Variants in PKN2 observed in about 807,000 individuals in gnomAD.
PKN2 encodes serine/threonine-protein kinase N2.
PKN2 carries 38 observed loss-of-function variants against 119.1 expected under a neutral mutation model. The observed-to-expected ratio is 0.32, with a 90% CI of 0.25 to 0.42. The LOEUF (loss-of-function observed/expected upper bound fraction) is 0.42, where lower values mean the gene tolerates loss of function less well. Ranked by LOEUF, PKN2 falls within the 10% of genes least tolerant of loss-of-function variation. PKN2 has a pLI of 1.00. For synonymous variants in PKN2, 390 were observed against 384.9 expected (o/e 1.01, Z -0.15); for missense variants, 850 against 1,165.1 (o/e 0.73, Z 3.94).
At chr1:88,732,210 G>A (rs1668168312) in intron 1 of PKN2, among the ~76,000 whole-genome samples, 2 of 151,912 alleles carry the variant, frequency 1.3e-5, no homozygotes, top group African/African-American at 4.8e-5. Context: ...TATTACTTTT[G>A]GTTCTTTTGG....
chr1:88,760,206 A>G lies in PKN2; in HGVS notation c.350-16A>G, dbSNP rs551658033. ...ATTCATTCTAATAAGTAATTTTAACAATATTTTATTTACAGATTGCCCAAG... is the reference window on the plus strand; with the variant it reads ...ATTCATTCTAATAAGTAATTTTAACGATATTTTATTTACAGATTGCCCAAG... On this transcript the variant is annotated splice_polypyrimidine_tract_variant and intron_variant, in intron 2 of 21. Transcript: ENST00000370521. 19 of 1,409,208 alleles carry G rather than the reference A, an allele frequency of 1.3e-5. No homozygotes were observed. The South Asian group carries it at 2.2e-4, about 17-fold the overall frequency. 87.3% of individuals were successfully genotyped at this position (1,409,208 alleles called of 1,614,324 possible).
At chr1:88,776,675 G>A (rs1670120280) in intron 6 of PKN2, among the ~76,000 whole-genome samples, 1 of 151,832 alleles carries the variant, frequency 6.6e-6, no homozygotes. Context: ...GGGAGGCGGA[G>A]GTTGCAGTGA....
chr1:88,792,405 A>AAAATAAAT lies in PKN2; in HGVS notation c.1281+6211_1281+6218dup, dbSNP rs560143650. Among the ~76,000 whole-genome samples, 844 of 152,100 alleles carry AAAATAAAT rather than the reference A, an allele frequency of 5.5e-3. 10 individuals are homozygous for AAAATAAAT. The highest frequency in any genetic ancestry group is 0.019 in the African/African-American group (803 of 41,426). ...GCAACAGAGTGAGACTCCGTCTCAA[A>AAAATAAAT]AAATAAATAAATAAATAAATAAATA... On this transcript the variant is annotated intron_variant, in intron 8 of 21. Transcript: ENST00000370521.
chr1:88,743,675 T>C (rs1157425796), intron 2 of PKN2, among the ~76,000 whole-genome samples: 2 of 152,184 alleles, frequency 1.3e-5, no homozygotes, highest in East Asian at 1.9e-4. Flanking sequence ...TCAAGGCTTA[T>C]TACAGAAACT....
At chr1:88,692,121 G>A (rs970443705) in intron 1 of PKN2, among the ~76,000 whole-genome samples, 1 of 151,580 alleles carries the variant, frequency 6.6e-6, no homozygotes, top group African/African-American at 2.4e-5. Flanking sequence ...TTTTGAACTT[G>A]ATTTTTCACC....
intron 19 of PKN2, among the ~76,000 whole-genome samples, chr1:88,832,346 A>C (rs1270200325): frequency 6.6e-6 from 1 of 152,000 alleles, no homozygotes; most frequent in African/African-American, 2.4e-5. Flanking sequence ...TCTATTATCT[A>C]AATATTCCCT....
chr1:88,696,887 A>G (rs1278081534), intron 1 of PKN2, among the ~76,000 whole-genome samples: 1 of 152,130 alleles, frequency 6.6e-6, no homozygotes, highest in African/African-American at 2.4e-5. Flanking sequence ...ACACTCTGGA[A>G]TATTAAAACT....
chr1:88,684,610 T>C lies in PKN2; in HGVS notation c.30T>C (p.Ile10=). MASNPERGE[I]LLTELQGDSR... is the part of the protein sequence containing the mutation. ...CGTCCAACCCCGAACGGGGGGAGAT[T>C]CTGCTCACGGAACTGCAGGTAAGGG... is the stretch of plus-strand genomic sequence containing the variant. The change falls in exon 1 of 22, where the codon ATT becomes ATC. Residue 10 remains isoleucine (I), a synonymous_variant. Coordinates refer to ENST00000370521, the MANE Select transcript of PKN2 (RefSeq NM_006256.4). 1 of 1,564,862 alleles carries C rather than the reference T, an allele frequency of 6.4e-7. No individual in the cohort carries two copies. Among genetic ancestry groups the C allele is most frequent in the Non-Finnish European group, 8.6e-7 (1 of 1,156,084 alleles).
At chr1:88,771,316 A>G (rs1284481100) in intron 4 of PKN2, 105 bp from the exon 5 acceptor site, 10 of 733,734 alleles carry the variant, frequency 1.4e-5, no homozygotes, top group Non-Finnish European at 2.0e-5. Context: ...TGTAAGGACT[A>G]AGTTATTGTA....
intron 8 of PKN2, among the ~76,000 whole-genome samples, chr1:88,801,911 T>C (rs1447138650): frequency 6.6e-6 from 1 of 152,250 alleles, no homozygotes; most frequent in Non-Finnish European, 1.5e-5. Flanking sequence ...TTAAACTGAT[T>C]ACTGATTTGC....
rs777452279 is a variant in PKN2, at chr1:88,828,571, C to T, written c.2510C>T (p.Ala837Val). 7.4e-6 allele frequency: 12 copies of T among 1,613,218 alleles called. No homozygotes were observed. The East Asian group carries it at 2.5e-4, about 33-fold the overall frequency. Residue 837 changes from alanine to valine, a missense_variant, in exon 19 of 22, where the codon GCT (alanine) becomes GTT (valine). Ala to Val is a moderately conservative substitution (Grantham distance 64). Coordinates refer to ENST00000370521, the MANE Select transcript of PKN2 (RefSeq NM_006256.4). ...EVLTETSYTR[A>V]VDWWGLGVLI... Reference sequence around the variant, plus strand: ...TTAACAGAAACTTCTTATACAAGGGCTGTAGATTGGTGGGGCCTTGGCGTG... The same window carrying T: ...TTAACAGAAACTTCTTATACAAGGGTTGTAGATTGGTGGGGCCTTGGCGTG...
At chr1:88,745,132 A>G (rs1209541233) in intron 2 of PKN2, among the ~76,000 whole-genome samples, 2 of 152,228 alleles carry the variant, frequency 1.3e-5, no homozygotes, top group Non-Finnish European at 2.9e-5. Flanking sequence ...GAAGGTCTAT[A>G]TATGACAGGC....
intron 8 of PKN2, among the ~76,000 whole-genome samples, chr1:88,788,999 A>G (rs186808356): frequency 6.6e-6 from 1 of 152,278 alleles, no homozygotes; most frequent in East Asian, 1.9e-4. Flanking sequence ...TAGTAGTAGA[A>G]GTTCTTTATC....
chr1:88,833,536 C>A lies in PKN2; in HGVS notation c.*88C>A. 1 of 962,894 alleles carries A rather than the reference C, an allele frequency of 1.0e-6. No homozygotes were observed. The highest frequency in any genetic ancestry group is 1.6e-6 in the Non-Finnish European group (1 of 623,768). The allele number at this position is 962,894 out of a possible 1,614,324, so 59.6% of individuals were successfully genotyped here. On this transcript the variant is annotated 3_prime_UTR_variant, in exon 22 of 22. Coordinates refer to ENST00000370521, the MANE Select transcript of PKN2 (RefSeq NM_006256.4). ...CATTTGCTCTCTGTGCCACCAATAGCTTCTGAGTTTTTTGTTGTTGTTGTT... is the reference window on the plus strand; with the variant it reads ...CATTTGCTCTCTGTGCCACCAATAGATTCTGAGTTTTTTGTTGTTGTTGTT...
At chr1:88,702,411 C>T (rs894100908) in intron 1 of PKN2, among the ~76,000 whole-genome samples, 2 of 152,156 alleles carry the variant, frequency 1.3e-5, no homozygotes, top group Admixed American at 6.5e-5. Context: ...CAGAAGACTG[C>T]TCCAAATTAT....
intron 15 of PKN2, among the ~76,000 whole-genome samples, chr1:88,808,939 C>T (rs1671671413): frequency 6.6e-6 from 1 of 152,088 alleles, no homozygotes; most frequent in African/African-American, 2.4e-5. Context: ...CCAGTTAACT[C>T]ATATATTTAA....
At chr1:88,752,555 G>GT (rs1669045378) in intron 2 of PKN2, among the ~76,000 whole-genome samples, 1 of 151,954 alleles carries the variant, frequency 6.6e-6, no homozygotes, top group African/African-American at 2.4e-5. Flanking sequence ...AAATTTGCCA[G>GT]TTTTTTCTTT....
chr1:88,782,354 T>G (rs1670378901), intron 6 of PKN2, among the ~76,000 whole-genome samples: 1 of 152,144 alleles, frequency 6.6e-6, no homozygotes, highest in Admixed American at 6.5e-5. Flanking sequence ...AGTTTATACT[T>G]TTCATCAAAT....
intron 1 of PKN2, among the ~76,000 whole-genome samples, chr1:88,701,703 C>T (rs1666775572): frequency 6.6e-6 from 1 of 152,124 alleles, no homozygotes; most frequent in Admixed American, 6.5e-5. Context: ...ATTACTGTAA[C>T]TGGTTTTTGT....
Sources: gnomAD v4.1 joint callset for allele counts (sites outside exome capture counted in the v4.1 genomes callset) on GRCh38, gnomAD v4.1.1 for gene constraint, MANE v1.5 for transcripts, NCBI Gene and HGNC (gene_info 2026-07-23, HGNC 2026-07-21) for gene names.